TENM3: variants seen among roughly 807,000 people sequenced by gnomAD.
TENM3 encodes teneurin-3.
In TENM3, 63 loss-of-function variants were observed where a neutral mutation model predicts 255.1. The ratio of observed to expected loss-of-function variants is 0.25; its 90% CI spans 0.20 to 0.30. The LOEUF (loss-of-function observed/expected upper bound fraction) is 0.30, where lower values mean the gene tolerates loss of function less well. Ranked by LOEUF, TENM3 falls within the 10% of genes least tolerant of loss-of-function variation. The pLI is 1.00. For missense variants in TENM3, 2,929 were observed against 3,461.1 expected (o/e 0.85, Z 3.86); for synonymous variants, 1,306 against 1,322.3 (o/e 0.99, Z 0.27).
At chr4:182,439,554 A>G (rs1254964999) in intron 3 of TENM3, among the ~76,000 whole-genome samples, 1 of 152,260 alleles carries the variant, frequency 6.6e-6, no homozygotes, top group East Asian at 1.9e-4. Flanking sequence ...TCAGGCACAT[A>G]ATAGGCATTC....
intron 3 of TENM3, among the ~76,000 whole-genome samples, chr4:182,389,841 A>G (rs1257750449): frequency 1.3e-5 from 2 of 151,532 alleles, no homozygotes; most frequent in Non-Finnish European, 2.9e-5. Flanking sequence ...GCCCGCCACC[A>G]CTCCCGGCTA....
the TENM3 span, among the ~76,000 whole-genome samples, chr4:181,706,529 T>C: frequency 6.6e-6 from 1 of 152,188 alleles, no homozygotes; most frequent in African/African-American, 2.4e-5. Flanking sequence ...ATCAACATAT[T>C]AGAATTTCAT....
At chr4:181,751,444 C>A in the TENM3 span, among the ~76,000 whole-genome samples, 1 of 151,348 alleles carries the variant, frequency 6.6e-6, no homozygotes, top group African/African-American at 2.4e-5. Context: ...CAAGAAACTG[C>A]CGTTTTCCCA....
chr4:182,504,193 T>C (rs905629560), intron 3 of TENM3, among the ~76,000 whole-genome samples: 1 of 151,940 alleles, frequency 6.6e-6, no homozygotes, highest in Middle Eastern at 3.4e-3. Flanking sequence ...TTTTTTTTTT[T>C]CTTAAATTTT....
At chr4:182,563,040 G>A (rs1354538238) in intron 3 of TENM3, among the ~76,000 whole-genome samples, 1 of 152,122 alleles carries the variant, frequency 6.6e-6, no homozygotes, top group African/African-American at 2.4e-5. Flanking sequence ...AAAGGTACAG[G>A]AGAAGATACA....
At chr4:181,768,860 A>G in the TENM3 span, among the ~76,000 whole-genome samples, 2 of 152,214 alleles carry the variant, frequency 1.3e-5, no homozygotes, top group Non-Finnish European at 2.9e-5. Flanking sequence ...TGTATAGAGA[A>G]GATGAAACCC....
chr4:181,837,520 G>T, the TENM3 span, among the ~76,000 whole-genome samples: 1 of 152,112 alleles, frequency 6.6e-6, no homozygotes, highest in Non-Finnish European at 1.5e-5. Flanking sequence ...GTCATTAATT[G>T]CTAGACTGTG....
At chr4:182,273,096 G>T (rs1759754443) in intron 1 of TENM3, among the ~76,000 whole-genome samples, 2 of 152,136 alleles carry the variant, frequency 1.3e-5, no homozygotes, top group South Asian at 2.1e-4. Context: ...AGATGATATG[G>T]TTTAATATCC....
intron 12 of TENM3, among the ~76,000 whole-genome samples, chr4:182,695,491 T>G (rs1188011666): frequency 2.0e-5 from 3 of 152,158 alleles, no homozygotes; most frequent in African/African-American, 7.2e-5. Context: ...AAGGAGAATT[T>G]GATCTGGGGG....
chr4:182,112,244 G>A, the TENM3 span, among the ~76,000 whole-genome samples: 13,100 of 151,938 alleles, frequency 0.086, 614 homozygotes, highest in East Asian at 0.12. Context: ...AGTATAGCGC[G>A]CCCTCCCCAA....
chr4:182,354,131 G>A (rs1187637467), intron 3 of TENM3, among the ~76,000 whole-genome samples: 1 of 152,102 alleles, frequency 6.6e-6, no homozygotes, highest in African/African-American at 2.4e-5. Flanking sequence ...CAGAAAGCTT[G>A]GCAGTTTGCT....
intron 1 of TENM3, among the ~76,000 whole-genome samples, chr4:182,199,131 G>C (rs1395398221): frequency 2.0e-5 from 3 of 152,162 alleles, no homozygotes; most frequent in Admixed American, 1.3e-4. Flanking sequence ...TGTGGGGACT[G>C]AATGGTGTTG....
the TENM3 span, among the ~76,000 whole-genome samples, chr4:181,483,996 G>T: frequency 7.2e-5 from 11 of 152,030 alleles, no homozygotes; most frequent in Non-Finnish European, 1.2e-4. Flanking sequence ...GCTATTTTCA[G>T]TTTTACATTG....
the TENM3 span, among the ~76,000 whole-genome samples, chr4:181,548,593 G>A: frequency 2.0e-5 from 3 of 152,096 alleles, no homozygotes; most frequent in Admixed American, 1.3e-4. Context: ...ATTTCCACGT[G>A]GATTCCTCAG....
At chr4:181,960,825 G>C in the TENM3 span, among the ~76,000 whole-genome samples, 3 of 152,066 alleles carry the variant, frequency 2.0e-5, no homozygotes, top group Non-Finnish European at 4.4e-5. Flanking sequence ...TATTTTTTTA[G>C]AGTACCAATT....
At chr4:182,010,276 G>A in the TENM3 span, among the ~76,000 whole-genome samples, 1 of 152,082 alleles carries the variant, frequency 6.6e-6, no homozygotes, top group African/African-American at 2.4e-5. Context: ...AAAGAAAACA[G>A]TCACATTAAG....
chr4:182,000,357 C>T, the TENM3 span, among the ~76,000 whole-genome samples: 2 of 151,858 alleles, frequency 1.3e-5, no homozygotes, highest in Non-Finnish European at 2.9e-5. Context: ...TCCTTGATCA[C>T]CACAGCCCTT....
chr4:182,356,747 A>C (rs1181715709), intron 3 of TENM3, among the ~76,000 whole-genome samples: 2 of 151,898 alleles, frequency 1.3e-5, no homozygotes, highest in Non-Finnish European at 2.9e-5. Context: ...TTTAAGTTTT[A>C]GGGTACATGT....
the TENM3 span, among the ~76,000 whole-genome samples, chr4:181,577,252 G>A: frequency 7.1e-6 from 1 of 141,564 alleles, no homozygotes; most frequent in Non-Finnish European, 1.5e-5. Context: ...TGTTGGTCAG[G>A]CTGGTCTCAA....
Sources: allele counts gnomAD v4.1 joint callset (sites outside exome capture counted in the v4.1 genomes callset), GRCh38; gene constraint gnomAD v4.1.1; transcripts MANE v1.5; gene names NCBI Gene and HGNC (gene_info 2026-07-23, HGNC 2026-07-21).